Variants in SENP6 observed in about 807,000 individuals in gnomAD.
SENP6 encodes sentrin-specific protease 6.
SENP6 carries 41 observed loss-of-function variants against 134.5 expected under a neutral mutation model. The observed-to-expected ratio is 0.30, with a 90% confidence interval of 0.24 to 0.40. The LOEUF is 0.40. SENP6 is among the 10% of genes least tolerant of loss of function. The pLI is 1.00. For missense variants in SENP6, 1,248 were observed against 1,312.5 expected, an observed-to-expected ratio of 0.95 and a Z score of 0.76; for synonymous variants, 395 against 429.8, an observed-to-expected ratio of 0.92 and a Z score of 1.00.
intron 1 of SENP6, among the ~76,000 whole-genome samples, chr6:75,616,144 A>C (rs1767832319): frequency 6.6e-6 from 1 of 152,032 alleles, no homozygotes; most frequent in Admixed American, 6.5e-5. Flanking sequence ...TTAGGTGTTT[A>C]ATTTGTGATA....
At chr6:75,611,163 C>T (rs961167987) in intron 1 of SENP6, 1 of 152,196 alleles carries the variant, frequency 6.6e-6, no homozygotes, top group South Asian at 2.1e-4. Context: ...ACCATGACCC[C>T]TGCTGACTCT....
chr6:75,621,589 A>G lies in SENP6; in HGVS notation c.110A>G (p.Asp37Gly). Residue 37 changes from aspartate (D) to glycine (G), a missense_variant, in exon 2 of 24, where the codon GAT becomes GGT. This residue lies in a region of SENP6 where 733 missense variants were observed against 725.4 expected (regional missense o/e 1.01). Coordinates refer to ENST00000447266, the MANE Select transcript of SENP6 (RefSeq NM_015571.4). ...GGTTTTAAAAATAATTGGAGCTTTG[A>G]TCATGAAGAAGAAAGTGAAGGAGAT... ...DGGFKNNWSF[D>G]HEEESEGDTD... 6.2e-7 allele frequency: 1 copy of G among 1,611,520 alleles called. No homozygotes were observed. The highest frequency in any genetic ancestry group is 8.5e-7 in the Non-Finnish European group (1 of 1,178,086).
chr6:75,614,951 C>T (rs192371584), intron 1 of SENP6, among the ~76,000 whole-genome samples: 3 of 152,042 alleles, frequency 2.0e-5, no homozygotes. Flanking sequence ...GCAGTGGTGG[C>T]CTGATCTCGG....
chr6:75,711,709 G>T (rs1217113973), intron 21 of SENP6, among the ~76,000 whole-genome samples: 1 of 152,134 alleles, frequency 6.6e-6, no homozygotes. Flanking sequence ...GTCTTGCTCT[G>T]TCGCCCAGGC....
intron 11 of SENP6, among the ~76,000 whole-genome samples, chr6:75,672,452 G>C (rs1275817362): frequency 5.3e-5 from 8 of 152,124 alleles, no homozygotes; most frequent in Admixed American, 3.9e-4. Flanking sequence ...AAATGTGTCA[G>C]TTTAAAAAAT....
intron 18 of SENP6, among the ~76,000 whole-genome samples, chr6:75,700,455 G>A (rs916669488): frequency 6.6e-6 from 1 of 152,122 alleles, no homozygotes; most frequent in Non-Finnish European, 1.5e-5. Context: ...GCTGTAGGTT[G>A]AGAGTCACTG....
At chr6:75,692,351 G>T (rs1774336812) in intron 16 of SENP6, among the ~76,000 whole-genome samples, 1 of 152,034 alleles carries the variant, frequency 6.6e-6, no homozygotes, top group South Asian at 2.1e-4. Context: ...CAGGTGCAGT[G>T]ACTCACACCT....
intron 4 of SENP6, among the ~76,000 whole-genome samples, chr6:75,634,281 C>T (rs1483242663): frequency 6.6e-6 from 1 of 152,070 alleles, no homozygotes; most frequent in Non-Finnish European, 1.5e-5. Context: ...ATTTAGGACT[C>T]CTGATTTTTA....
At chr6:75,701,567 T>C (rs760326621) in intron 18 of SENP6, among the ~76,000 whole-genome samples, 1 of 138,590 alleles carries the variant, frequency 7.2e-6, no homozygotes, top group Admixed American at 7.1e-5. Flanking sequence ...AACAAAACTA[T>C]ATATGCAATT....
Position 75,602,511 on chromosome 6 carries a change from G to A in SENP6, c.-14G>A. The A allele has an allele frequency of 6.4e-7, 1 of 1,551,296 alleles. No individual in the cohort carries two copies. Among genetic ancestry groups the A allele is most frequent in the South Asian group, 1.2e-5 (1 of 84,058 alleles). On this transcript the variant is annotated 5_prime_UTR_variant, in exon 1 of 24. It adds an upstream start codon to the 5' untranslated region. Coordinates refer to ENST00000447266, the MANE Select transcript of SENP6 (RefSeq NM_015571.4). ...GGCCATGGATTAAGAAGGAGGCGGC[G>A]TGGGAGGAGGAAGATGGCGGCCGGC...
chr6:75,619,127 T>C (rs1268838330), intron 1 of SENP6, among the ~76,000 whole-genome samples: 3 of 152,120 alleles, frequency 2.0e-5, no homozygotes, highest in Admixed American at 2.0e-4. Flanking sequence ...TTCATTGGTA[T>C]TAAGTACATT....
chr6:75,645,125 G>A (rs912755810), intron 6 of SENP6, among the ~76,000 whole-genome samples: 14 of 152,120 alleles, frequency 9.2e-5, no homozygotes, highest in African/African-American at 3.4e-4. Context: ...CTACACAAAC[G>A]CAAACCCTAA....
intron 1 of SENP6, among the ~76,000 whole-genome samples, chr6:75,613,123 A>G (rs1561963642): frequency 1.3e-5 from 2 of 151,754 alleles, no homozygotes; most frequent in Admixed American, 6.6e-5. Flanking sequence ...TTAAAAAAAA[A>G]AAAAGAAAAG....
intron 3 of SENP6, among the ~76,000 whole-genome samples, chr6:75,630,680 T>C (rs939000762): frequency 1.3e-5 from 2 of 152,248 alleles, no homozygotes; most frequent in Non-Finnish European, 2.9e-5. Flanking sequence ...TCCCCTTCTC[T>C]TTCACAGAAT....
Position 75,678,654 on chromosome 6 carries a change from T to C in SENP6, c.1920T>C (p.Thr640=), listed in dbSNP as rs1166138588. The C allele has an allele frequency of 1.2e-6, 2 of 1,604,704 alleles. No homozygotes were observed. The highest frequency in any genetic ancestry group is 2.7e-5 in the African/African-American group (2 of 74,646). ...EFQFFDEEEE[T]GENHTIFIGP... is the part of the protein sequence containing the mutation. ...AGTTTTTTGATGAAGAAGAAGAAAC[T>C]GGAGAAAACCACACCATCTTCATTG... is the stretch of plus-strand genomic sequence containing the variant. Residue 640 remains threonine, a synonymous_variant, in exon 15 of 24, where the codon ACT becomes ACC. Transcript: ENST00000447266.
chr6:75,658,452 G>T (rs1422338246), intron 7 of SENP6, among the ~76,000 whole-genome samples: 1 of 152,088 alleles, frequency 6.6e-6, no homozygotes, highest in Non-Finnish European at 1.5e-5. Context: ...TTGGTTTACA[G>T]ATTCTTCACT....
rs534502977 is a variant in SENP6, at chr6:75,612,744, A to G, written c.53-8788A>G. The stretch of plus-strand genomic sequence containing the variant: ...TTTGGAGATCAGTTTGGCAATACCT[A>G]TTGAACTTGAAAATGCACATCCCCA... On this transcript the variant is annotated intron_variant, in intron 1 of 23. Coordinates refer to ENST00000447266, the MANE Select transcript of SENP6 (RefSeq NM_015571.4). 6.6e-4 allele frequency among the ~76,000 whole-genome samples: 101 copies of G among 152,306 alleles called. 1 individual carries two copies. Among genetic ancestry groups the G allele is most frequent in the Non-Finnish European group, 1.2e-3 (81 of 68,026 alleles).
In SENP6 at chr6:75,675,465, G is replaced by A. The variant is rs150427800; in HGVS notation, c.1423G>A (p.Asp475Asn). 1.4e-6 allele frequency: 2 copies of A among 1,452,658 alleles called. No individual in the cohort carries two copies. The highest frequency in any genetic ancestry group is 1.4e-5 in the African/African-American group (1 of 69,968). The allele number at this position is 1,452,658 out of a possible 1,614,324, so 90.0% of individuals were successfully genotyped here. Residue 475 changes from aspartate (D) to asparagine (N), a missense_variant, in exon 12 of 24, where the codon GAC becomes AAC. Asp to Asn is a conservative substitution (Grantham distance 23, BLOSUM62 1). Coordinates refer to ENST00000447266, the MANE Select transcript of SENP6 (RefSeq NM_015571.4). ...TTTAGATTTTATCAAGATACAGCTAGACGGTAAGCTATTTTATGTCTTTTT... is the reference window on the plus strand; with the variant it reads ...TTTAGATTTTATCAAGATACAGCTAAACGGTAAGCTATTTTATGTCTTTTT... ...FCLDFIKIQL[D>N]EPDHDPVEII...
In SENP6 at chr6:75,618,904, G is replaced by C. The variant is rs539413446; in HGVS notation, c.53-2628G>C. Reference sequence around the variant, plus strand: ...TGTATACTGATGGTTTGCTCATTAAGACTTATTTCCTCCTGTTCATGATAT... The same window carrying C: ...TGTATACTGATGGTTTGCTCATTAACACTTATTTCCTCCTGTTCATGATAT... On this transcript the variant is annotated intron_variant, in intron 1 of 23. Coordinates refer to ENST00000447266, the MANE Select transcript of SENP6 (RefSeq NM_015571.4). 4.4e-4 allele frequency among the ~76,000 whole-genome samples: 66 copies of C among 151,346 alleles called. No homozygotes were observed. The South Asian group carries it at 0.014, about 31-fold the overall frequency.
Sources: gnomAD v4.1 joint callset for allele counts (sites outside exome capture counted in the v4.1 genomes callset) on GRCh38, gnomAD v4.1.1 for gene constraint, gnomAD v4.1.1 regional missense constraint, MANE v1.5 for transcripts, NCBI Gene and HGNC (gene_info 2026-07-23, HGNC 2026-07-21) for gene names.